GARNL3: variants seen among roughly 807,000 people sequenced by gnomAD.
GARNL3 encodes the protein GTPase activating Rap/RanGAP domain like 3, also known as GTPase-activating Rap/Ran-GAP domain-like protein 3.
GARNL3 carries 63 observed loss-of-function variants against 125.0 expected under a neutral mutation model. The ratio of observed to expected loss-of-function variants is 0.50; its 90% CI spans 0.41 to 0.62. The LOEUF (loss-of-function observed/expected upper bound fraction) is 0.62. Ranked by LOEUF, GARNL3 falls within the 20% of genes least tolerant of loss-of-function variation. GARNL3 has a pLI of 0.00. For missense variants in GARNL3, 994 were observed against 1,244.0 expected (o/e 0.80, Z 3.02); for synonymous variants, 439 against 457.5 (o/e 0.96, Z 0.52).
chr9:127,359,486 C>A (rs577602416), intron 21 of GARNL3, among the ~76,000 whole-genome samples: 43 of 131,306 alleles, frequency 3.3e-4, no homozygotes, highest in African/African-American at 8.7e-4. Flanking sequence ...GAGACTCCGT[C>A]TCCAAAAAAA....
upstream of GARNL3, among the ~76,000 whole-genome samples, chr9:127,260,349 T>A (rs1445171384): frequency 3.3e-5 from 5 of 152,226 alleles, no homozygotes. Flanking sequence ...TGGCTGTTGG[T>A]TAAAATCACA....
chr9:127,262,375 T>C (rs1437293462), upstream of GARNL3, among the ~76,000 whole-genome samples: 1 of 152,256 alleles, frequency 6.6e-6, no homozygotes, highest in South Asian at 2.1e-4. Flanking sequence ...TTTTTCCATC[T>C]TGAAGCTCTG....
chr9:127,311,523 G>A, intron 2 of GARNL3, 113 bp from the exon 3 acceptor site: 1 of 725,450 alleles, frequency 1.4e-6, no homozygotes, highest in Non-Finnish European at 2.4e-6. Flanking sequence ...CACAGCCCTT[G>A]GGTGTATGCT....
At chr9:127,317,739 C>A (rs1430332701) in intron 4 of GARNL3, among the ~76,000 whole-genome samples, 2 of 142,718 alleles carry the variant, frequency 1.4e-5, no homozygotes, top group African/African-American at 6.1e-5. Context: ...AACAAAACAA[C>A]AACAACAACA....
chr9:127,329,448 C>CT (rs1829086806), intron 7 of GARNL3, among the ~76,000 whole-genome samples: 2 of 152,284 alleles, frequency 1.3e-5, no homozygotes, highest in Admixed American at 1.3e-4. Flanking sequence ...TCATGCAACC[C>CT]TTGCTGCTTT....
chr9:127,231,303 A>C (rs2063015078), intron 1 of GARNL3, among the ~76,000 whole-genome samples: 1 of 139,568 alleles, frequency 7.2e-6, no homozygotes. Context: ...AGATCTCCTG[A>C]CCTCATGATC....
intron 22 of GARNL3, among the ~76,000 whole-genome samples, chr9:127,369,684 G>T (rs371768227): frequency 1.3e-5 from 2 of 152,262 alleles, no homozygotes; most frequent in African/African-American, 2.4e-5. Flanking sequence ...CACAGGGGTT[G>T]TGAGGCGGTG....
At chr9:127,235,221 C>G (rs184947189) in intron 1 of GARNL3, among the ~76,000 whole-genome samples, 1 of 150,778 alleles carries the variant, frequency 6.6e-6, no homozygotes, top group Non-Finnish European at 1.5e-5. Context: ...GCATTTTACA[C>G]TTATAGCACA....
At chr9:127,357,553 C>G (rs1830754133) in intron 21 of GARNL3, among the ~76,000 whole-genome samples, 176 bp downstream of exon 21, 1 of 152,176 alleles carries the variant, frequency 6.6e-6, no homozygotes, top group Non-Finnish European at 1.5e-5. Flanking sequence ...TTTTATAGGT[C>G]AGAATGGTTC....
intron 22 of GARNL3, among the ~76,000 whole-genome samples, chr9:127,371,111 C>T (rs1455151290): frequency 6.6e-6 from 1 of 152,216 alleles, no homozygotes; most frequent in East Asian, 1.9e-4. Context: ...CTTCTCCCTG[C>T]CTTTACTCCC....
At chr9:127,344,418 A>G in intron 15 of GARNL3, 79 bp downstream of exon 15, 1 of 932,950 alleles carries the variant, frequency 1.1e-6, no homozygotes, top group Non-Finnish European at 1.7e-6. Flanking sequence ...ATGTGCAAAG[A>G]CTTTGTTTGC....
At chr9:127,262,984 A>T (rs2063623597), upstream of GARNL3, among the ~76,000 whole-genome samples, 1 of 152,230 alleles carries the variant, frequency 6.6e-6, no homozygotes, top group Non-Finnish European at 1.5e-5. Context: ...CCTACAACCC[A>T]AGAAATGCAG....
At chr9:127,269,959 A>G (rs1810585893) in intron 1 of GARNL3, among the ~76,000 whole-genome samples, 1 of 151,858 alleles carries the variant, frequency 6.6e-6, no homozygotes, top group Admixed American at 6.6e-5. Context: ...TTTATCTATT[A>G]TTTATTTTGT....
At chr9:127,243,254 G>A (rs1021855291) in intron 2 of GARNL3, 28 of 1,366,370 alleles carry the variant, frequency 2.0e-5, no homozygotes, top group Non-Finnish European at 2.7e-5. Flanking sequence ...CAACCTGTAA[G>A]TAAGTAAAAG....
At chr9:127,315,152 C>A (rs2065205604) in intron 4 of GARNL3, among the ~76,000 whole-genome samples, 1 of 152,166 alleles carries the variant, frequency 6.6e-6, no homozygotes, top group South Asian at 2.1e-4. Flanking sequence ...GGGTTCTCAG[C>A]TGTTGATGGA....
chr9:127,339,525 C>T (rs541293032), intron 12 of GARNL3, 120 bp from the exon 13 acceptor site: 1 of 708,924 alleles, frequency 1.4e-6, no homozygotes, highest in Admixed American at 2.1e-5. Flanking sequence ...TTACCTCTCC[C>T]TGGGTCCCAC....
intron 18 of GARNL3, 106 bp downstream of exon 18, chr9:127,354,050 G>A (rs1233540940): frequency 1.3e-6 from 1 of 799,496 alleles, no homozygotes; most frequent in Non-Finnish European, 2.1e-6. Flanking sequence ...TCTGCCAGCT[G>A]TTTCCTTTCC....
intron 2 of GARNL3, among the ~76,000 whole-genome samples, chr9:127,291,700 G>T (rs2064421954): frequency 7.0e-6 from 1 of 143,338 alleles, no homozygotes. Context: ...GGTCTTCCTT[G>T]CTGCAGGCCA....
chr9:127,271,037 C>A (rs963837703), intron 1 of GARNL3, among the ~76,000 whole-genome samples: 1 of 150,200 alleles, frequency 6.7e-6, no homozygotes, highest in African/African-American at 2.5e-5. Context: ...TGAGGCCCAT[C>A]CCCTCAGCAA....
Sources: gnomAD v4.1 joint callset for allele counts (sites outside exome capture counted in the v4.1 genomes callset) on GRCh38, gnomAD v4.1.1 for gene constraint, MANE v1.5 for transcripts, NCBI Gene and HGNC (gene_info 2026-07-23, HGNC 2026-07-21) for gene names.